DAB1: variants seen among roughly 807,000 people sequenced by gnomAD.
DAB1 encodes DAB adaptor protein 1.
In DAB1, 15 loss-of-function variants were observed where a neutral mutation model predicts 64.6. The ratio of observed to expected loss-of-function variants is 0.23; its 90% CI spans 0.16 to 0.36. The LOEUF (loss-of-function observed/expected upper bound fraction) is 0.36. Ranked by LOEUF, DAB1 falls within the 10% of genes least tolerant of loss-of-function variation. DAB1 has a pLI of 1.00. For synonymous variants in DAB1, 235 were observed against 251.9 expected, an observed-to-expected ratio of 0.93 and a Z score of 0.64; for missense variants, 596 against 706.7, an observed-to-expected ratio of 0.84 and a Z score of 1.78.
At chr1:57,786,171 T>A (rs993080456) in intron 6 of DAB1, among the ~76,000 whole-genome samples, 1 of 152,172 alleles carries the variant, frequency 6.6e-6, no homozygotes, top group Non-Finnish European at 1.5e-5. Context: ...TTTAAAGACA[T>A]AATACTTTTG....
At chr1:57,915,074 ATAGAT>A in intron 5 of DAB1, among the ~76,000 whole-genome samples, 1 of 152,020 alleles carries the variant, frequency 6.6e-6, no homozygotes. Flanking sequence ...AATGAGACAA[ATAGAT>A]AAGTAGATAT....
chr1:57,353,099 A>G (rs1181646536), intron 1 of DAB1, among the ~76,000 whole-genome samples: 2 of 136,364 alleles, frequency 1.5e-5, no homozygotes, highest in Non-Finnish European at 1.5e-5. Context: ...TTCCATATAT[A>G]TATATTTTTT....
intron 3 of DAB1, among the ~76,000 whole-genome samples, chr1:58,404,340 G>A (rs1428371441): frequency 2.6e-5 from 4 of 152,192 alleles, no homozygotes; most frequent in East Asian, 1.9e-4. Context: ...AATCCTTGTC[G>A]AAAAGTTGTG....
At chr1:58,413,159 C>G (rs916873314) in intron 3 of DAB1, among the ~76,000 whole-genome samples, 1 of 152,174 alleles carries the variant, frequency 6.6e-6, no homozygotes, top group African/African-American at 2.4e-5. Context: ...TTCCTAATAG[C>G]TTAGCACTTG....
chr1:57,149,246 G>A (rs1386522009), intron 2 of DAB1, among the ~76,000 whole-genome samples: 1 of 152,080 alleles, frequency 6.6e-6, no homozygotes, highest in African/African-American at 2.4e-5. Context: ...TCTTTGGGTT[G>A]TTTCCATTCT....
At chr1:57,978,050 A>C (rs1038443710) in intron 5 of DAB1, among the ~76,000 whole-genome samples, 1 of 152,174 alleles carries the variant, frequency 6.6e-6, no homozygotes, top group African/African-American at 2.4e-5. Flanking sequence ...TCTTCACAGA[A>C]TTGCAAAAAA....
chr1:57,880,173 C>G (rs1644121931), intron 1 of DAB1: 1 of 150,882 alleles, frequency 6.6e-6, no homozygotes, highest in African/African-American at 2.4e-5. Flanking sequence ...TTTGGAACTG[C>G]AAATCCTCCC....
At chr1:57,278,925 A>G (rs1027787907) in intron 2 of DAB1, among the ~76,000 whole-genome samples, 1 of 152,210 alleles carries the variant, frequency 6.6e-6, no homozygotes, top group African/African-American at 2.4e-5. Flanking sequence ...CTGAATGAGA[A>G]AACAGATATA....
chr1:58,485,944 T>C (rs6587817), intron 3 of DAB1, among the ~76,000 whole-genome samples: 17,601 of 152,196 alleles, frequency 0.12, 1,212 homozygotes, highest in African/African-American at 0.18. Flanking sequence ...TGTATTTTAA[T>C]AGCAAGAATA....
At chr1:58,015,319 T>C (rs1307293973) in intron 5 of DAB1, among the ~76,000 whole-genome samples, 4 of 152,142 alleles carry the variant, frequency 2.6e-5, no homozygotes, top group Non-Finnish European at 4.4e-5. Context: ...TAACTCCTCT[T>C]CCTTCACCTC....
chr1:58,477,448 T>C (rs555474894), intron 3 of DAB1, among the ~76,000 whole-genome samples: 1 of 152,178 alleles, frequency 6.6e-6, no homozygotes, highest in Non-Finnish European at 1.5e-5. Flanking sequence ...CGTGGTTGCA[T>C]CTCTCCTAAC....
intron 4 of DAB1, among the ~76,000 whole-genome samples, chr1:57,097,856 C>A (rs1467880076): frequency 1.3e-5 from 2 of 152,070 alleles, no homozygotes; most frequent in East Asian, 3.9e-4. Flanking sequence ...CAGCTCACTG[C>A]AAGCTCCGCC....
chr1:58,244,155 A>G (rs1660426459), intron 4 of DAB1, among the ~76,000 whole-genome samples: 1 of 152,180 alleles, frequency 6.6e-6, no homozygotes, highest in African/African-American at 2.4e-5. Context: ...TTCCATGGAA[A>G]TACGGGATTG....
intron 3 of DAB1, among the ~76,000 whole-genome samples, chr1:58,499,741 A>C (rs988668136): frequency 1.3e-5 from 2 of 152,116 alleles, no homozygotes; most frequent in Non-Finnish European, 2.9e-5. Context: ...ATATTGAAAC[A>C]TCATGCTGGA....
At chr1:57,941,632 C>T (rs1219494984) in intron 5 of DAB1, among the ~76,000 whole-genome samples, 2 of 152,072 alleles carry the variant, frequency 1.3e-5, no homozygotes, top group Non-Finnish European at 2.9e-5. Flanking sequence ...GTCAGGAGAT[C>T]GAGACCATCC....
intron 7 of DAB1, among the ~76,000 whole-genome samples, chr1:57,590,566 C>T (rs1004982012): frequency 3.3e-5 from 5 of 151,994 alleles, no homozygotes; most frequent in Admixed American, 6.6e-5. Flanking sequence ...CTCTTAACCT[C>T]GTGATCTGCA....
rs190417746 is a variant in DAB1 at position 57,081,326 on chromosome 1, A to G, written c.307-8912T>C. Among the ~76,000 whole-genome samples the G allele has an allele frequency of 2.1e-3, 313 of 152,318 alleles. 3 individuals carry two copies. The highest frequency in any genetic ancestry group is 7.3e-3 in the African/African-American group (303 of 41,572). On this transcript the variant is annotated intron_variant, in intron 4 of 14. Coordinates refer to ENST00000371236, the MANE Select transcript of DAB1 (RefSeq NM_001365792.1). ...CTGGCAACTGAGTTTAAGGTTCTCAATCTAATGACTACATAATTTAGTGTT... is the reference window on the plus strand; with the variant it reads ...CTGGCAACTGAGTTTAAGGTTCTCAGTCTAATGACTACATAATTTAGTGTT...
chr1:57,481,567 A>G (rs141967645), intron 7 of DAB1, among the ~76,000 whole-genome samples: 96 of 152,328 alleles, frequency 6.3e-4, no homozygotes, highest in African/African-American at 2.3e-3. Flanking sequence ...CTGTAATCCC[A>G]GCACTTTGGG....
chr1:57,246,259 ACCCGC>A (rs1319913366), intron 2 of DAB1, among the ~76,000 whole-genome samples: 224 of 152,256 alleles, frequency 1.5e-3, no homozygotes, highest in African/African-American at 5.3e-3. Flanking sequence ...AGAACCTACC[ACCCGC>A]TGCCCCCTGC....
Sources: gnomAD v4.1 joint callset for allele counts (sites outside exome capture counted in the v4.1 genomes callset) on GRCh38, gnomAD v4.1.1 for gene constraint, MANE v1.5 for transcripts, NCBI Gene and HGNC (gene_info 2026-07-23, HGNC 2026-07-21) for gene names.